SV2C: variants seen among roughly 807,000 people sequenced by gnomAD.
SV2C encodes solute carrier family 22 member B3.
A neutral mutation model predicts 79.7 loss-of-function variants in SV2C; 49 were observed. The observed-to-expected ratio is 0.61, with a 90% CI of 0.49 to 0.78. SV2C has a LOEUF of 0.78. SV2C is among the 30% of genes least tolerant of loss of function. SV2C has a pLI of 0.00. For synonymous variants in SV2C, 334 were observed against 333.2 expected (o/e 1.00, Z -0.03); for missense variants, 833 against 912.9 (o/e 0.91, Z 1.13).
chr5:76,310,750 C>G (rs1311133377), intron 12 of SV2C, among the ~76,000 whole-genome samples: 1 of 152,134 alleles, frequency 6.6e-6, no homozygotes, highest in African/African-American at 2.4e-5. Context: ...ATAGAAATAA[C>G]ATGTCTGAGA....
At chr5:75,958,326 G>A in the SV2C span, among the ~76,000 whole-genome samples, 2 of 151,784 alleles carry the variant, frequency 1.3e-5, no homozygotes, top group Non-Finnish European at 2.9e-5. Flanking sequence ...CATTATTTTC[G>A]GTTCTGTCTG....
the SV2C span, among the ~76,000 whole-genome samples, chr5:75,896,114 C>G: frequency 6.6e-6 from 1 of 151,396 alleles, no homozygotes; most frequent in Non-Finnish European, 1.5e-5. Context: ...GCACAATGTG[C>G]AGGTTTGTTA....
chr5:76,279,984 G>A (rs1176910774), intron 4 of SV2C, among the ~76,000 whole-genome samples: 1 of 152,162 alleles, frequency 6.6e-6, no homozygotes, highest in African/African-American at 2.4e-5. Flanking sequence ...AGAGAAGACA[G>A]GGAGATGGAA....
chr5:75,956,932 G>T, the SV2C span, among the ~76,000 whole-genome samples: 2 of 151,860 alleles, frequency 1.3e-5, no homozygotes, highest in African/African-American at 4.8e-5. Context: ...ACCTTCCCTT[G>T]TAACTTCTCA....
chr5:75,978,181 A>AG, the SV2C span, among the ~76,000 whole-genome samples: 1 of 152,126 alleles, frequency 6.6e-6, no homozygotes, highest in Non-Finnish European at 1.5e-5. Flanking sequence ...TATTCCATCT[A>AG]TCAACAGCTT....
At chr5:75,921,363 G>T in the SV2C span, 3 of 963,526 alleles carry the variant, frequency 3.1e-6, no homozygotes, top group Admixed American at 1.7e-5. Context: ...CTGTCCTTTG[G>T]GGGGTGCTGG....
chr5:75,904,580 TAA>T, the SV2C span, among the ~76,000 whole-genome samples: 1 of 152,110 alleles, frequency 6.6e-6, no homozygotes, highest in South Asian at 2.1e-4. Context: ...GGAGTAAATG[TAA>T]AATGGAGCCC....
intron 2 of SV2C, among the ~76,000 whole-genome samples, chr5:76,193,850 T>C (rs145453638): frequency 6.6e-6 from 1 of 152,296 alleles, no homozygotes; most frequent in East Asian, 1.9e-4. Context: ...TTAATAATAC[T>C]CACTTTGCAG....
chr5:76,112,360 T>C (rs1452261124), intron 1 of SV2C, among the ~76,000 whole-genome samples: 2 of 152,160 alleles, frequency 1.3e-5, no homozygotes, highest in African/African-American at 2.4e-5. Context: ...CAGCCTCTAT[T>C]CTCTGGGGGG....
rs761553818 is a variant in SV2C at position 76,131,867 on chromosome 5, T to A, written c.117T>A (p.Asp39Glu). 3.7e-6 allele frequency: 6 copies of A among 1,613,790 alleles called. No homozygotes were observed. Among genetic ancestry groups the A allele is most frequent in the Non-Finnish European group, 5.1e-6 (6 of 1,179,980 alleles). ...KVNQAVDRAQ[D>E]EYTQRSYSRF... Reference sequence around the variant, plus strand: ...ATCAAGCTGTGGACCGAGCCCAGGATGAATACACCCAGAGGTCCTACAGTC... The same window carrying A: ...ATCAAGCTGTGGACCGAGCCCAGGAAGAATACACCCAGAGGTCCTACAGTC... Residue 39 changes from aspartate to glutamate, a missense_variant, in exon 2 of 13, where the codon GAT becomes GAA. Transcript: ENST00000502798.
the SV2C span, among the ~76,000 whole-genome samples, chr5:75,936,612 G>A: frequency 3.3e-5 from 5 of 152,264 alleles, no homozygotes; most frequent in South Asian, 2.1e-4. Context: ...TTACTTTGAC[G>A]AAGCTTGAGT....
chr5:76,321,725 G>A (rs1162476523), intron 12 of SV2C, among the ~76,000 whole-genome samples: 2 of 147,434 alleles, frequency 1.4e-5, no homozygotes, highest in African/African-American at 5.0e-5. Flanking sequence ...TGGGTGACAT[G>A]AGCGAGACCC....
the SV2C span, among the ~76,000 whole-genome samples, chr5:75,856,281 C>T: frequency 1.3e-5 from 2 of 152,150 alleles, no homozygotes; most frequent in African/African-American, 4.8e-5. Flanking sequence ...CTTCCATGTA[C>T]TGTTTTCCTT....
the SV2C span, among the ~76,000 whole-genome samples, chr5:76,066,795 TAA>T: frequency 0.41 from 49,849 of 121,794 alleles, 9,667 homozygotes; most frequent in East Asian, 0.67. Flanking sequence ...AGGACCCTGT[TAA>T]AAAAAAAAAA....
chr5:76,122,401 C>A (rs1168675452), intron 1 of SV2C, among the ~76,000 whole-genome samples: 1 of 151,686 alleles, frequency 6.6e-6, no homozygotes, highest in Non-Finnish European at 1.5e-5. Context: ...GAACTTCCAA[C>A]ACTATGTTGA....
At chr5:75,995,491 G>T in the SV2C span, among the ~76,000 whole-genome samples, 1 of 152,058 alleles carries the variant, frequency 6.6e-6, no homozygotes, top group Admixed American at 6.6e-5. Context: ...CTATGGAAAT[G>T]CAGTATATTA....
chr5:76,200,594 CT>C (rs2112338341), intron 3 of SV2C, among the ~76,000 whole-genome samples: 1 of 152,298 alleles, frequency 6.6e-6, no homozygotes, highest in East Asian at 1.9e-4. Context: ...AGCACTGTCT[CT>C]GCAAATAAAG....
chr5:75,961,475 AACAATGTAATG>A, the SV2C span, among the ~76,000 whole-genome samples: 1 of 152,148 alleles, frequency 6.6e-6, no homozygotes, highest in South Asian at 2.1e-4. Context: ...ATGTTTTTAC[AACAATGTAATG>A]TATTTCAGAA....
the SV2C span, among the ~76,000 whole-genome samples, chr5:76,040,419 A>C: frequency 6.6e-6 from 1 of 152,214 alleles, no homozygotes; most frequent in Non-Finnish European, 1.5e-5. Flanking sequence ...TCTTCAAAGG[A>C]TATCGAATAA....
Sources: allele counts gnomAD v4.1 joint callset (sites outside exome capture counted in the v4.1 genomes callset), GRCh38; gene constraint gnomAD v4.1.1; transcripts MANE v1.5; gene names NCBI Gene and HGNC (gene_info 2026-07-23, HGNC 2026-07-21).